The following NR2F1-AS1 variants were observed in gnomAD, a reference collection of about 807,000 sequenced individuals.
NR2F1-AS1 encodes the protein NR2F1 antisense RNA 1.
At chr5:93,456,929 T>C (rs1322306055) in intron 4 of NR2F1-AS1, among the ~76,000 whole-genome samples, 4 of 152,188 alleles carry the variant, frequency 2.6e-5, no homozygotes, top group Non-Finnish European at 5.9e-5. Flanking sequence ...AATGTGCACA[T>C]ACATAAACAT....
At chr5:93,418,962 G>GT (rs1241881003) in intron 4 of NR2F1-AS1, among the ~76,000 whole-genome samples, 2 of 152,178 alleles carry the variant, frequency 1.3e-5, no homozygotes, top group Non-Finnish European at 2.9e-5. Context: ...CAACCTATGA[G>GT]TTCCTCATTA....
At chr5:93,524,316 G>GA (rs1191253951) in intron 4 of NR2F1-AS1, among the ~76,000 whole-genome samples, 2 of 151,960 alleles carry the variant, frequency 1.3e-5, no homozygotes, top group Non-Finnish European at 2.9e-5. Flanking sequence ...AAAAAAGAAT[G>GA]AAAAGGAATG....
chr5:93,522,885 G>A (rs771965378), intron 4 of NR2F1-AS1, among the ~76,000 whole-genome samples: 9 of 152,130 alleles, frequency 5.9e-5, no homozygotes, highest in Non-Finnish European at 1.3e-4. Context: ...AACACCACCA[G>A]GGCCCTGGGT....
intron 4 of NR2F1-AS1, among the ~76,000 whole-genome samples, chr5:93,445,247 T>C (rs948613185): frequency 6.6e-6 from 1 of 152,030 alleles, no homozygotes; most frequent in African/African-American, 2.4e-5. Context: ...CTTCAAAATA[T>C]CAATGAATCC....
At chr5:93,450,914 C>CAAAAAAAAAAAAAAAAAAAAAAAAAAA (rs60895927) in intron 4 of NR2F1-AS1, among the ~76,000 whole-genome samples, 2 of 54,048 alleles carry the variant, frequency 3.7e-5, no homozygotes, top group Non-Finnish European at 8.0e-5. Context: ...GAATCTGCTT[C>CAAAAAAAAAAAAAAAAAAAAAAAAAAA]AAAAAAAAAA....
At chr5:93,490,465 G>A (rs890803443) in intron 4 of NR2F1-AS1, among the ~76,000 whole-genome samples, 1 of 150,916 alleles carries the variant, frequency 6.6e-6, no homozygotes, top group African/African-American at 2.4e-5. Flanking sequence ...TGGTAGTGGT[G>A]ATAGGGGTAG....
chr5:93,550,707 A>G (rs934100947), intron 4 of NR2F1-AS1, among the ~76,000 whole-genome samples: 1 of 152,218 alleles, frequency 6.6e-6, no homozygotes, highest in Non-Finnish European at 1.5e-5. Flanking sequence ...TGTTGTTAAA[A>G]TGTTAGCAAG....
intron 4 of NR2F1-AS1, among the ~76,000 whole-genome samples, chr5:93,526,955 C>G (rs187239469): frequency 3.6e-4 from 55 of 152,304 alleles, no homozygotes; most frequent in African/African-American, 1.1e-3. Flanking sequence ...GATGACCTCT[C>G]TCACCACTCC....
At chr5:93,470,517 T>G (rs1370366123) in intron 4 of NR2F1-AS1, among the ~76,000 whole-genome samples, 2 of 151,798 alleles carry the variant, frequency 1.3e-5, no homozygotes, top group East Asian at 3.8e-4. Flanking sequence ...AAGTAGCATA[T>G]CTATATATAT....
intron 4 of NR2F1-AS1, among the ~76,000 whole-genome samples, chr5:93,465,783 A>T (rs989736349): frequency 1.6e-4 from 25 of 152,212 alleles, no homozygotes; most frequent in African/African-American, 5.5e-4. Flanking sequence ...AGGGACATGG[A>T]TGAAGCTGGA....
chr5:93,576,839 C>A (rs1752907050), intron 1 of NR2F1-AS1, among the ~76,000 whole-genome samples: 1 of 152,182 alleles, frequency 6.6e-6, no homozygotes, highest in Non-Finnish European at 1.5e-5. Context: ...CTCCAACAAC[C>A]TTCAGACTCA....
At chr5:93,558,317 TTC>T (rs1312014966) in intron 2 of NR2F1-AS1, among the ~76,000 whole-genome samples, 7 of 151,266 alleles carry the variant, frequency 4.6e-5, no homozygotes, top group East Asian at 3.9e-4. Flanking sequence ...TAAAATGTAT[TTC>T]TTTTTTTTTT....
chr5:93,431,073 T>G (rs372012662), intron 4 of NR2F1-AS1, among the ~76,000 whole-genome samples: 34 of 152,196 alleles, frequency 2.2e-4, no homozygotes, highest in African/African-American at 7.5e-4. Context: ...ATTTTTTCAC[T>G]CGTAATGATG....
upstream of NR2F1-AS1, chr5:93,585,557 C>G (rs1217537351): frequency 7.6e-7 from 1 of 1,308,954 alleles, no homozygotes; most frequent in Non-Finnish European, 1.1e-6. Context: ...CTTTCTCGCC[C>G]GGGTGGTTGC....
intron 1 of NR2F1-AS1, among the ~76,000 whole-genome samples, chr5:93,572,964 G>A (rs1245664403): frequency 6.6e-6 from 1 of 152,224 alleles, no homozygotes; most frequent in African/African-American, 2.4e-5. Flanking sequence ...CGCGCAGGGC[G>A]GCGAGGCTGG....
At chr5:93,516,421 T>A (rs1438624419) in intron 4 of NR2F1-AS1, among the ~76,000 whole-genome samples, 2 of 151,836 alleles carry the variant, frequency 1.3e-5, no homozygotes, top group African/African-American at 4.8e-5. Flanking sequence ...GAAATAATAA[T>A]AAATAACTTA....
intron 4 of NR2F1-AS1, among the ~76,000 whole-genome samples, chr5:93,477,100 T>A (rs572518968): frequency 2.6e-5 from 4 of 152,226 alleles, no homozygotes; most frequent in Non-Finnish European, 5.9e-5. Context: ...ATTGTATATA[T>A]AACAGGAAAT....
At chr5:93,470,509 G>A (rs1407794646) in intron 4 of NR2F1-AS1, among the ~76,000 whole-genome samples, 1 of 151,684 alleles carries the variant, frequency 6.6e-6, no homozygotes, top group Non-Finnish European at 1.5e-5. Context: ...ACTCTCAGAA[G>A]TAGCATATCT....
At chr5:93,485,828 G>T (rs1750702014) in intron 4 of NR2F1-AS1, among the ~76,000 whole-genome samples, 1 of 148,486 alleles carries the variant, frequency 6.7e-6, no homozygotes, top group Non-Finnish European at 1.5e-5. Flanking sequence ...GTTTATTGCG[G>T]CATTATTCAC....
Sources: allele counts gnomAD v4.1 joint callset (sites outside exome capture counted in the v4.1 genomes callset), GRCh38; gene constraint gnomAD v4.1.1; transcripts MANE v1.5; gene names NCBI Gene and HGNC (gene_info 2026-07-23, HGNC 2026-07-21).